The following HNF4G variants were observed in gnomAD, a reference collection of about 807,000 sequenced individuals.
HNF4G encodes the protein hepatocyte nuclear factor 4 gamma, also known as hepatocyte nuclear factor 4-gamma.
A neutral mutation model predicts 50.9 loss-of-function variants in HNF4G; 21 were observed. The ratio of observed to expected loss-of-function variants is 0.41; its 90% CI spans 0.29 to 0.59. The LOEUF (loss-of-function observed/expected upper bound fraction) is 0.59. Among genes scored for constraint, HNF4G ranks in the 20% least tolerant of loss-of-function variants. HNF4G has a pLI of 0.26. For missense variants in HNF4G, 527 were observed against 559.4 expected (o/e 0.94, Z 0.58); for synonymous variants, 198 against 185.6 (o/e 1.07, Z -0.54).
At chr8:75,562,093 T>G (rs529997307) in intron 9 of HNF4G, among the ~76,000 whole-genome samples, 4 of 152,006 alleles carry the variant, frequency 2.6e-5, no homozygotes, top group Non-Finnish European at 4.4e-5. Flanking sequence ...CATACACTTA[T>G]TGCCTACTGA....
upstream of HNF4G, among the ~76,000 whole-genome samples, chr8:75,535,812 T>G (rs1806449526): frequency 6.6e-6 from 1 of 151,962 alleles, no homozygotes; most frequent in Non-Finnish European, 1.5e-5. Flanking sequence ...ATATAAAGTA[T>G]GGAACAATTT....
chr8:75,492,247 T>G lies in HNF4G; in HGVS notation c.-24+2039T>G, dbSNP rs73690922. Among the ~76,000 whole-genome samples, 429 of 152,308 alleles carry G rather than the reference T, an allele frequency of 2.8e-3. 2 individuals carry two copies. Among genetic ancestry groups the G allele is most frequent in the African/African-American group, 9.7e-3 (405 of 41,580 alleles). ...TCTAGTCACTCTTACTACTACCTAC[T>G]TGTTTCCTCCTCTTCTAAATCCTTT... On this transcript the variant is annotated intron_variant, in intron 2 of 10. Coordinates refer to the HNF4G transcript ENST00000354370.
rs2130824118 is a variant in HNF4G at position 75,564,327 on chromosome 8, AT to A, written c.*237del. 2 of 415,938 alleles carry A rather than the reference AT, an allele frequency of 4.8e-6. No homozygotes were observed. The highest frequency in any genetic ancestry group is 8.6e-6 in the Non-Finnish European group (2 of 232,020). The allele number at this position is 415,938 out of a possible 1,614,324, so 25.8% of individuals were successfully genotyped here. On this transcript the variant is annotated 3_prime_UTR_variant, in exon 10 of 10. Coordinates refer to ENST00000396423, the MANE Select transcript of HNF4G (RefSeq NM_004133.5). Reference sequence around the variant, plus strand: ...GAGTTTGAAGATGTTTATATAGGGTATTTTTTCCAACTGCCCCTGCATTGTG... The same window carrying A: ...GAGTTTGAAGATGTTTATATAGGGTATTTTTCCAACTGCCCCTGCATTGTG...
At chr8:75,503,267 C>A (rs1812979637) in intron 2 of HNF4G, among the ~76,000 whole-genome samples, 1 of 152,098 alleles carries the variant, frequency 6.6e-6, no homozygotes, top group Non-Finnish European at 1.5e-5. Flanking sequence ...TGCTCTAAGC[C>A]TCAATTTCCT....
intron 9 of HNF4G, among the ~76,000 whole-genome samples, chr8:75,562,587 TG>T (rs1319269264): frequency 2.6e-5 from 4 of 152,152 alleles, no homozygotes; most frequent in African/African-American, 9.6e-5. Context: ...CAATAAACAT[TG>T]TAGGAATCAA....
At position 75,418,722 on chromosome 8, in the gene HNF4G, CTTTTTTT is replaced by C. The variant is rs560295179; in HGVS notation, c.-144+10576_-144+10582del. ...CCTAGTGATAAGTCTCTCTCTCTCT[CTTTTTTT>C]TTTTTTTTTTTTTTTGAGATGGAGT... On this transcript the variant is annotated intron_variant, in intron 1 of 10. Transcript: ENST00000354370. Among the ~76,000 whole-genome samples, 854 of 109,376 alleles carry C rather than the reference CTTTTTTT, an allele frequency of 7.8e-3. 22 individuals carry two copies. The highest frequency in any genetic ancestry group is 0.04 in the Admixed American group (418 of 10,396). 71.8% of individuals were successfully genotyped at this position (109,376 alleles called of 152,430 possible). A position where few individuals can be genotyped will look rare whatever the true frequency, so the allele number is the denominator to read the frequency against.
At chr8:75,430,557 C>T (rs1271894214) in intron 1 of HNF4G, among the ~76,000 whole-genome samples, 4 of 150,316 alleles carry the variant, frequency 2.7e-5, no homozygotes, top group African/African-American at 9.8e-5. Context: ...ATATTTGGTT[C>T]TGGGTGTAGT....
chr8:75,441,246 C>CTT (rs112258720), intron 1 of HNF4G, among the ~76,000 whole-genome samples: 20 of 142,304 alleles, frequency 1.4e-4, no homozygotes, highest in African/African-American at 2.3e-4. Flanking sequence ...AAGATTAGAA[C>CTT]TTTTTTTTTT....
At position 75,421,463 on chromosome 8, in the gene HNF4G, G is replaced by A. The variant is rs60339946; in HGVS notation, c.-144+13301G>A. ...TTCTATTTTCAATGACTTTTAAATA[G>A]ATGTATGGGAAAAATATTTTCTGGC... is the stretch of plus-strand genomic sequence containing the variant. On this transcript the variant is annotated intron_variant, in intron 1 of 10. Transcript: ENST00000354370. Among the ~76,000 whole-genome samples the A allele has an allele frequency of 9.4e-3, 1,438 of 152,284 alleles. 26 individuals carry two copies. Among genetic ancestry groups the A allele is most frequent in the African/African-American group, 0.032 (1,319 of 41,548 alleles).
chr8:75,426,532 T>C (rs1308085347), intron 1 of HNF4G, among the ~76,000 whole-genome samples: 1 of 152,136 alleles, frequency 6.6e-6, no homozygotes, highest in Admixed American at 6.6e-5. Flanking sequence ...CAGGCTTTCA[T>C]TTGTTTGTTA....
intron 1 of HNF4G, among the ~76,000 whole-genome samples, chr8:75,436,211 A>T (rs574828248): frequency 6.6e-6 from 1 of 152,326 alleles, no homozygotes; most frequent in South Asian, 2.1e-4. Context: ...TTAAAATGAC[A>T]GTTTTACTCA....
At chr8:75,430,263 T>C (rs1366186903) in intron 1 of HNF4G, among the ~76,000 whole-genome samples, 2 of 152,150 alleles carry the variant, frequency 1.3e-5, no homozygotes, top group Non-Finnish European at 1.5e-5. Context: ...AAGATGAATG[T>C]CACTGAAACA....
chr8:75,408,965 T>C (rs550414140), intron 1 of HNF4G, among the ~76,000 whole-genome samples: 1 of 152,342 alleles, frequency 6.6e-6, no homozygotes, highest in South Asian at 2.1e-4. Context: ...AGCGGTTATT[T>C]GTCATTAAAC....
chr8:75,463,184 A>G (rs1428145736), intron 1 of HNF4G, among the ~76,000 whole-genome samples: 1 of 149,996 alleles, frequency 6.7e-6, no homozygotes, highest in Non-Finnish European at 1.5e-5. Flanking sequence ...AATTTTCTGT[A>G]TTGTTGTTTG....
At chr8:75,416,235 GA>G (rs1810632278) in intron 1 of HNF4G, among the ~76,000 whole-genome samples, 1 of 152,074 alleles carries the variant, frequency 6.6e-6, no homozygotes, top group Non-Finnish European at 1.5e-5. Flanking sequence ...AGTATATTCT[GA>G]TTTCATTGTC....
intron 1 of HNF4G, among the ~76,000 whole-genome samples, chr8:75,432,069 GA>G (rs1585837445): frequency 1.3e-5 from 2 of 151,886 alleles, no homozygotes; most frequent in East Asian, 1.9e-4. Context: ...GCCACATAGG[GA>G]CACCCCATCT....
At chr8:75,498,172 A>T (rs1812828144) in intron 2 of HNF4G, among the ~76,000 whole-genome samples, 1 of 152,108 alleles carries the variant, frequency 6.6e-6, no homozygotes, top group Admixed American at 6.6e-5. Flanking sequence ...ATGTCTCTTC[A>T]TTTTGAGGTA....
At chr8:75,463,509 C>T (rs1811899684) in intron 1 of HNF4G, among the ~76,000 whole-genome samples, 1 of 152,086 alleles carries the variant, frequency 6.6e-6, no homozygotes, top group East Asian at 1.9e-4. Flanking sequence ...TTTCCTTGCC[C>T]CTCCTTTCAA....
Position 75,558,838 on chromosome 8 carries a change from C to T in HNF4G, c.924C>T (p.Asn308=), listed in dbSNP as rs564131578. 6.2e-7 allele frequency: 1 copy of T among 1,614,012 alleles called. No individual in the cohort carries two copies. Among genetic ancestry groups the T allele is most frequent in the South Asian group, 1.1e-5 (1 of 91,084 alleles). ...TAAGCGATCCAGTAAAAATTAAGAA[C>T]ATGAGGTTCCAAGTGCAGATCGGTT... ...KGLSDPVKIK[N]MRFQVQIGLE... is the part of the protein sequence containing the mutation. Residue 308 remains asparagine (N), a synonymous_variant, in exon 8 of 10, where the codon AAC becomes AAT. Transcript: ENST00000396423.
Sources: gnomAD v4.1 joint callset for allele counts (sites outside exome capture counted in the v4.1 genomes callset) on GRCh38, gnomAD v4.1.1 for gene constraint, MANE v1.5 for transcripts, NCBI Gene and HGNC (gene_info 2026-07-23, HGNC 2026-07-21) for gene names.